SLC9A6: variants seen among roughly 807,000 people sequenced by gnomAD.
The protein encoded by SLC9A6 is solute carrier family 9 member A6.
Under a neutral mutation model 45.3 loss-of-function variants are expected in SLC9A6, and 6 were observed. The observed-to-expected ratio is 0.13, with a 90% CI of 0.07 to 0.26. SLC9A6 has a LOEUF of 0.26. Ranked by LOEUF, SLC9A6 falls within the 10% of genes least tolerant of loss-of-function variation. The pLI, the probability that SLC9A6 is intolerant of heterozygous loss-of-function variation, is 1.00. For synonymous variants in SLC9A6, 191 were observed against 187.7 expected, an observed-to-expected ratio of 1.02 and a Z score of -0.14; for missense variants, 278 against 503.7, an observed-to-expected ratio of 0.55 and a Z score of 4.29.
upstream of SLC9A6, among the ~76,000 whole-genome samples, chrX:135,982,515 A>T (rs1433623250): frequency 1.3e-4 from 14 of 104,153 alleles, no homozygotes; most frequent in African/African-American, 1.8e-4. Flanking sequence ...ACAAAGTCTC[A>T]CTCTGTCACC....
chrX:136,016,846 T>G (rs1289539056), intron 11 of SLC9A6, 88 bp downstream of exon 11: 2 of 509,410 alleles, frequency 3.9e-6, no homozygotes, highest in Admixed American at 7.2e-5. Flanking sequence ...AAGAATACAT[T>G]TAAATATATA....
chrX:136,012,409 G>A (rs1188071005), intron 8 of SLC9A6, among the ~76,000 whole-genome samples: 3 of 112,704 alleles, frequency 2.7e-5, no homozygotes, highest in Non-Finnish European at 5.6e-5. Context: ...GAGATTGGTC[G>A]TAACTTGGCA....
chrX:136,028,836 T>C, intron 13 of SLC9A6, 50 bp from the exon 14 acceptor site: 2 of 292,475 alleles, frequency 6.8e-6, no homozygotes, highest in East Asian at 4.9e-5. Flanking sequence ...CTGTGTTGTC[T>C]GTAGTAGTTA....
At chrX:136,007,778 A>G (rs782802608) in intron 7 of SLC9A6, among the ~76,000 whole-genome samples, 1 of 111,487 alleles carries the variant, frequency 9.0e-6, no homozygotes, top group African/African-American at 3.3e-5. Context: ...TACCTCTCCA[A>G]TCCCCTATTG....
intron 16 of SLC9A6, among the ~76,000 whole-genome samples, chrX:136,037,556 A>ATATTTATT (rs781891851): frequency 1.1e-3 from 116 of 110,305 alleles, no homozygotes; most frequent in Middle Eastern, 4.7e-3. Flanking sequence ...AGAAAATTGG[A>ATATTTATT]TATTTATTTA....
intron 16 of SLC9A6, among the ~76,000 whole-genome samples, chrX:136,035,285 C>T (rs1396166805): frequency 1.8e-5 from 2 of 112,195 alleles, no homozygotes; most frequent in Admixed American, 1.9e-4. Context: ...CAACCTGTGT[C>T]AACAACTGTG....
upstream of SLC9A6, among the ~76,000 whole-genome samples, chrX:135,983,145 A>T (rs1219838932): frequency 6.3e-5 from 7 of 111,570 alleles, no homozygotes; most frequent in Admixed American, 2.8e-4. Context: ...AAACAATGTG[A>T]AACAATGGGA....
At chrX:136,039,796 A>G (rs1431932281) in intron 16 of SLC9A6, among the ~76,000 whole-genome samples, 1 of 111,682 alleles carries the variant, frequency 9.0e-6, no homozygotes, top group South Asian at 3.7e-4. Context: ...AATTCAGACC[A>G]ATTTGGGCTA....
chrX:135,984,010 A>C (rs2089300855), upstream of SLC9A6, among the ~76,000 whole-genome samples: 1 of 111,085 alleles, frequency 9.0e-6, no homozygotes, highest in Non-Finnish European at 1.9e-5. Flanking sequence ...ACTGGCTCTG[A>C]TTTGGGACAG....
intron 3 of SLC9A6, among the ~76,000 whole-genome samples, chrX:135,996,879 G>T (rs1245625510): frequency 9.2e-6 from 1 of 109,134 alleles, no homozygotes; most frequent in African/African-American, 3.3e-5. Flanking sequence ...CCGTTCTCCT[G>T]CCTCAGCCTC....
At chrX:136,006,033 G>T (rs2089652478) in intron 7 of SLC9A6, among the ~76,000 whole-genome samples, 1 of 111,727 alleles carries the variant, frequency 9.0e-6, no homozygotes, top group South Asian at 3.7e-4. Flanking sequence ...TGCTCGCTGT[G>T]GGAGTTTACT....
At position 136,013,355 on chromosome X, in the gene SLC9A6, T is replaced by C; in HGVS notation, c.998T>C (p.Val333Ala). ...LAEAWGFTGV[V>A]AVLFCGITQA... ...GAATTTGTTGTCTTTATAGGTGTAG[T>C]TGCAGTATTGTTTTGTGGCATCACA... Residue 333 changes from valine (V) to alanine (A), a missense_variant, in exon 10 of 18, where the codon GTT becomes GCT. Coordinates refer to ENST00000630721, the MANE Select transcript of SLC9A6 (RefSeq NM_001379110.1). The C allele has an allele frequency of 8.3e-7, 1 of 1,201,686 alleles. No homozygotes were observed. Among genetic ancestry groups the C allele is most frequent in the Non-Finnish European group, 1.1e-6 (1 of 886,372 alleles).
intron 8 of SLC9A6, among the ~76,000 whole-genome samples, chrX:136,012,512 T>C (rs782418953): frequency 8.8e-6 from 1 of 113,081 alleles, no homozygotes; most frequent in South Asian, 3.6e-4. Context: ...GAATGCTCTA[T>C]ATCATAGAAG....
At chrX:135,992,318 A>G (rs2089445837) in intron 2 of SLC9A6, among the ~76,000 whole-genome samples, 1 of 111,906 alleles carries the variant, frequency 8.9e-6, no homozygotes, top group Non-Finnish European at 1.9e-5. Context: ...CTCTTAGGTT[A>G]GGACCTAAAC....
intron 2 of SLC9A6, among the ~76,000 whole-genome samples, chrX:135,991,966 C>G (rs1556615797): frequency 9.0e-6 from 1 of 111,451 alleles, no homozygotes; most frequent in African/African-American, 3.3e-5. Flanking sequence ...TCATCTACAT[C>G]TGACTTCAAC....
intron 6 of SLC9A6, 102 bp downstream of exon 6, chrX:135,999,070 A>G (rs782000434): frequency 6.1e-5 from 35 of 572,052 alleles, no homozygotes; most frequent in Non-Finnish European, 1.0e-4. Flanking sequence ...TCATGATTAG[A>G]TACTTCCTTA....
At chrX:136,041,076 C>T (rs187830410) in intron 17 of SLC9A6, among the ~76,000 whole-genome samples, 4 of 110,911 alleles carry the variant, frequency 3.6e-5, no homozygotes, top group Non-Finnish European at 7.6e-5. Context: ...AGAGATCATG[C>T]CACTGCACTC....
intron 7 of SLC9A6, among the ~76,000 whole-genome samples, chrX:136,008,348 G>A (rs138718572): frequency 9.0e-6 from 1 of 111,555 alleles, no homozygotes; most frequent in Admixed American, 9.5e-5. Context: ...AGGTTCACCT[G>A]CCTTAGCCTC....
chrX:136,027,810 A>G (rs1320987131), intron 13 of SLC9A6, among the ~76,000 whole-genome samples: 1 of 112,561 alleles, frequency 8.9e-6, no homozygotes, highest in Non-Finnish European at 1.9e-5. Flanking sequence ...CAAGGGAGTG[A>G]CATGAAGTCA....
Sources: allele counts gnomAD v4.1 joint callset (sites outside exome capture counted in the v4.1 genomes callset), GRCh38; gene constraint gnomAD v4.1.1; transcripts MANE v1.5; gene names NCBI Gene and HGNC (gene_info 2026-07-23, HGNC 2026-07-21).